The following RIMS2 variants were observed in gnomAD, a reference collection of about 807,000 sequenced individuals.
RIMS2 encodes the protein regulating synaptic membrane exocytosis 2, also known as regulating synaptic membrane exocytosis protein 2.
RIMS2 carries 59 observed loss-of-function variants against 174.4 expected under a neutral mutation model. That is an observed-to-expected ratio of 0.34 (90% confidence interval 0.27 to 0.42). The LOEUF (loss-of-function observed/expected upper bound fraction) is 0.42, where lower values mean the gene tolerates loss of function less well. Ranked by LOEUF, RIMS2 falls within the 10% of genes least tolerant of loss-of-function variation. The pLI is 1.00. For synonymous variants in RIMS2, 606 were observed against 572.5 expected (o/e 1.06, Z -0.84); for missense variants, 1,620 against 1,666.3 (o/e 0.97, Z 0.48).
chr8:103,602,929 T>A (rs1463766547), intron 1 of RIMS2, among the ~76,000 whole-genome samples: 1 of 152,210 alleles, frequency 6.6e-6, no homozygotes, highest in Admixed American at 6.5e-5. Flanking sequence ...CCACCAACAA[T>A]GTATAAGTGT....
intron 19 of RIMS2, among the ~76,000 whole-genome samples, chr8:104,148,169 C>CT (rs60928884): frequency 0.06 from 7,023 of 116,224 alleles, 590 homozygotes; most frequent in African/African-American, 0.18. Flanking sequence ...TATTATCAGC[C>CT]TTTTTTTTTT....
chr8:104,173,107 CT>C (rs1281308030), intron 19 of RIMS2, among the ~76,000 whole-genome samples: 1 of 152,122 alleles, frequency 6.6e-6, no homozygotes, highest in Non-Finnish European at 1.5e-5. Flanking sequence ...ACTACATCTG[CT>C]TTTGGTGCAT....
At chr8:103,698,226 T>A (rs1590618692) in intron 2 of RIMS2, among the ~76,000 whole-genome samples, 1 of 152,200 alleles carries the variant, frequency 6.6e-6, no homozygotes, top group Non-Finnish European at 1.5e-5. Flanking sequence ...GATTACCTGA[T>A]TATGATTTTT....
At chr8:103,983,110 C>G (rs1044176080) in intron 16 of RIMS2, among the ~76,000 whole-genome samples, 2 of 152,052 alleles carry the variant, frequency 1.3e-5, no homozygotes, top group Admixed American at 6.6e-5. Context: ...AGTGAACAAT[C>G]TGAAAAAGAA....
At chr8:103,887,493 A>G (rs971033667) in intron 4 of RIMS2, among the ~76,000 whole-genome samples, 5 of 151,524 alleles carry the variant, frequency 3.3e-5, no homozygotes, top group African/African-American at 1.2e-4. Context: ...ATTTAACTGT[A>G]TATTATCTCA....
At chr8:104,137,642 G>A (rs1395239139) in intron 19 of RIMS2, among the ~76,000 whole-genome samples, 1 of 152,068 alleles carries the variant, frequency 6.6e-6, no homozygotes, top group African/African-American at 2.4e-5. Context: ...GAGAAGCATA[G>A]CTTTATTCTT....
chr8:103,757,661 C>A (rs1377558651), intron 2 of RIMS2, among the ~76,000 whole-genome samples: 1 of 152,170 alleles, frequency 6.6e-6, no homozygotes, highest in East Asian at 1.9e-4. Context: ...TCTCTTTCCT[C>A]AAACAACATG....
chr8:103,793,650 T>G (rs2098522453), intron 3 of RIMS2, among the ~76,000 whole-genome samples: 1 of 152,206 alleles, frequency 6.6e-6, no homozygotes, highest in South Asian at 2.1e-4. Context: ...TGTCCCTGTT[T>G]GCAGATGACA....
chr8:103,688,872 G>A (rs191698730), intron 1 of RIMS2, among the ~76,000 whole-genome samples: 2 of 151,544 alleles, frequency 1.3e-5, no homozygotes, highest in African/African-American at 2.4e-5. Context: ...GATACGTATT[G>A]TTTCCCTCCT....
intron 1 of RIMS2, among the ~76,000 whole-genome samples, chr8:103,576,661 C>T (rs2093264756): frequency 6.6e-6 from 1 of 152,186 alleles, no homozygotes. Context: ...ATCATGCTAC[C>T]TGACTTCAAA....
chr8:103,559,055 A>ATTTTTTTTT (rs1397052354), intron 1 of RIMS2: 2 of 20,040 alleles, frequency 1.0e-4, no homozygotes, highest in African/African-American at 6.6e-4. Context: ...ATATTTTTTA[A>ATTTTTTTTT]CTTTTTTTTT....
At chr8:104,072,926 A>C (rs544031659) in intron 19 of RIMS2, among the ~76,000 whole-genome samples, 2 of 152,296 alleles carry the variant, frequency 1.3e-5, no homozygotes, top group East Asian at 3.9e-4. Context: ...TAATCAGTGG[A>C]TGATTTCTCA....
At chr8:103,848,732 A>G (rs886165441) in intron 3 of RIMS2, among the ~76,000 whole-genome samples, 1 of 151,986 alleles carries the variant, frequency 6.6e-6, no homozygotes, top group African/African-American at 2.4e-5. Context: ...TTCTGGACCA[A>G]TTGCGAATCT....
chr8:103,664,921 A>G (rs2096649963), intron 1 of RIMS2, among the ~76,000 whole-genome samples: 1 of 152,228 alleles, frequency 6.6e-6, no homozygotes, highest in South Asian at 2.1e-4. Context: ...TGTGGCACAT[A>G]TACACCATGG....
chr8:103,699,757 TCAC>T (rs897897703), intron 2 of RIMS2, among the ~76,000 whole-genome samples: 1 of 152,194 alleles, frequency 6.6e-6, no homozygotes, highest in African/African-American at 2.4e-5. Flanking sequence ...TTTACTGGCA[TCAC>T]CACAATTCTC....
intron 2 of RIMS2, among the ~76,000 whole-genome samples, chr8:103,743,718 C>A (rs1033928677): frequency 7.9e-5 from 12 of 152,076 alleles, no homozygotes; most frequent in African/African-American, 2.2e-4. Flanking sequence ...TCTAAAGCTT[C>A]CCCATTAAGT....
At chr8:103,580,580 G>A (rs1010306969) in intron 1 of RIMS2, among the ~76,000 whole-genome samples, 2 of 151,978 alleles carry the variant, frequency 1.3e-5, no homozygotes, top group Non-Finnish European at 2.9e-5. Flanking sequence ...AAATCTAATG[G>A]GAGAGATAGA....
chr8:103,660,505 C>G (rs2096585759), intron 1 of RIMS2, among the ~76,000 whole-genome samples: 1 of 152,148 alleles, frequency 6.6e-6, no homozygotes, highest in African/African-American at 2.4e-5. Context: ...CGGAATCTGT[C>G]CTCATTTTAT....
rs2096985162 is a variant in RIMS2, at chr8:103,689,468, C to G, written c.177-7618C>G. On this transcript the variant is annotated intron_variant, in intron 1 of 23. Coordinates refer to ENST00000504942, the Ensembl canonical transcript of RIMS2. ...GAAAGTGGGGTTTTGAAGTCTCCAG[C>G]TATCATTGTATTTAGGTCTATCTCT... is the stretch of plus-strand genomic sequence containing the variant. Among the ~76,000 whole-genome samples, 3 of 152,192 alleles carry G rather than the reference C, an allele frequency of 2.0e-5. No homozygotes were observed. In the South Asian group the frequency reaches 6.2e-4, roughly 32 times the overall value.
Sources: gnomAD v4.1 joint callset for allele counts (sites outside exome capture counted in the v4.1 genomes callset) on GRCh38, gnomAD v4.1.1 for gene constraint, MANE v1.5 for transcripts, NCBI Gene and HGNC (gene_info 2026-07-23, HGNC 2026-07-21) for gene names.